SEZ6L2: variants seen among roughly 807,000 people sequenced by gnomAD.
SEZ6L2 encodes seizure 6-like protein 2.
In SEZ6L2, 44 loss-of-function variants were observed where a neutral mutation model predicts 97.0. The ratio of observed to expected loss-of-function variants is 0.45; its 90% CI spans 0.36 to 0.58. The LOEUF is 0.58. Ranked by LOEUF, SEZ6L2 falls within the 20% of genes least tolerant of loss-of-function variation. SEZ6L2 has a pLI of 0.00. For missense variants in SEZ6L2, 1,086 were observed against 1,233.3 expected, an observed-to-expected ratio of 0.88 and a Z score of 1.79; for synonymous variants, 543 against 546.1, an observed-to-expected ratio of 0.99 and a Z score of 0.08.
At chr16:29,874,845 A>G (rs1187731349) in intron 12 of SEZ6L2, among the ~76,000 whole-genome samples, 2 of 151,884 alleles carry the variant, frequency 1.3e-5, no homozygotes, top group African/African-American at 4.8e-5. Flanking sequence ...TGCTGGGATT[A>G]CAGGTGTGAG....
chr16:29,887,746 C>T lies in SEZ6L2; in HGVS notation c.1111G>A (p.Gly371Arg). 1.2e-6 allele frequency: 2 copies of T among 1,613,590 alleles called. No individual in the cohort carries two copies. Among genetic ancestry groups the T allele is most frequent in the Non-Finnish European group, 1.7e-6 (2 of 1,179,782 alleles). ...ACCCAACGGCAGGTGAGGTTGGGCC[C>T]TACGGCTCCCCCAGGCTCTGGGGAC... ...IVSPEPGGAV[G>R]PNLTCRWVIE... The change falls in exon 7 of 18, where the codon GGG becomes AGG. Residue 371 changes from glycine (G) to arginine (R), a missense_variant. Coordinates refer to ENST00000617533, the MANE Select transcript of SEZ6L2 (RefSeq NM_001243332.2).
intron 9 of SEZ6L2, among the ~76,000 whole-genome samples, chr16:29,878,763 CTT>C (rs529820559): frequency 5.5e-5 from 7 of 127,922 alleles, no homozygotes; most frequent in Admixed American, 8.1e-5. Context: ...TTTCTTTTTT[CTT>C]TTTTTTTTTT....
At position 29,873,569 on chromosome 16, in the gene SEZ6L2, G is replaced by C. The variant is rs772597678; in HGVS notation, c.2265C>G (p.Pro755=). 5 of 1,614,044 alleles carry C rather than the reference G, an allele frequency of 3.1e-6. No homozygotes were observed. In the African/African-American group the frequency reaches 5.3e-5, roughly 17 times the overall value. The part of the protein sequence containing the change: ...LTCYSRDTGT[P]KWSDRVPKCA... ...ATTTGGGGACCCTATCGCTCCACTT[G>C]GGTGTGCCTGTGTCCCGGCTGTAGC... Residue 755 remains proline, a synonymous_variant, in exon 13 of 18, where the codon CCC becomes CCG. Transcript: ENST00000617533. The surrounding 1 kb of genome is among the most constrained non-coding windows in gnomAD (Gnocchi z 4.3).
In SEZ6L2 at chr16:29,897,132, G is replaced by A; in HGVS notation, c.212-11C>T. 2 of 1,541,022 alleles carry A rather than the reference G, an allele frequency of 1.3e-6. No individual in the cohort carries two copies. Among genetic ancestry groups the A allele is most frequent in the Non-Finnish European group, 1.7e-6 (2 of 1,146,338 alleles). ...GGTCCCGATCAGATCCTGGGACAGT[G>A]CAGGGAATATCAGAGCACAGGAGGA... On this transcript the variant is annotated splice_polypyrimidine_tract_variant and intron_variant, in intron 2 of 17. Transcript: ENST00000617533.
chr16:29,872,241 G>A lies in SEZ6L2; in HGVS notation c.2688C>T (p.Ser896=). 3 of 1,612,844 alleles carry A rather than the reference G, an allele frequency of 1.9e-6. No individual in the cohort carries two copies. Among genetic ancestry groups the A allele is most frequent in the Non-Finnish European group, 2.5e-6 (3 of 1,179,474 alleles). The change falls in exon 17 of 18, where the codon TCC becomes TCT. Residue 896 remains serine (S), a synonymous_variant. Coordinates refer to ENST00000617533, the MANE Select transcript of SEZ6L2 (RefSeq NM_001243332.2). ...CCGACTCCACGGTGATGGGGCTGTAGGAGTGGGAGCCCGAGAAGCCGAAAA... is the reference window on the plus strand; with the variant it reads ...CCGACTCCACGGTGATGGGGCTGTAAGAGTGGGAGCCCGAGAAGCCGAAAA... ...KSLFGFSGSH[S]YSPITVESDF... is the part of the protein sequence containing the mutation.
intron 3 of SEZ6L2, among the ~76,000 whole-genome samples, chr16:29,896,161 G>A (rs187412124): frequency 6.6e-6 from 1 of 152,216 alleles, no homozygotes; most frequent in Admixed American, 6.5e-5. Context: ...ATGGGGTCTT[G>A]CCACATTTCC....
At position 29,899,105 on chromosome 16, in the gene SEZ6L2, TA is replaced by T; in HGVS notation, c.-87del. On this transcript the variant is annotated 5_prime_UTR_variant, in exon 1 of 18. Transcript: ENST00000617533. ...CTCCGTCTCCGTTTATCTTTCCCTT[TA>T]ATTGTTTTTTTTTTTTTTTTTTTTT... 2.3e-6 allele frequency: 2 copies of T among 853,772 alleles called. No individual in the cohort carries two copies. Among genetic ancestry groups the T allele is most frequent in the Non-Finnish European group, 3.6e-6 (2 of 560,586 alleles). The allele number at this position is 853,772 out of a possible 1,614,324, so 52.9% of individuals were successfully genotyped here. A position where few individuals can be genotyped will look rare whatever the true frequency, so the allele number is the denominator to read the frequency against.
rs774418155 is a variant in SEZ6L2, at chr16:29,895,269, G to A, written c.843C>T (p.Ile281=). 6.2e-6 allele frequency: 10 copies of A among 1,613,548 alleles called. No individual in the cohort carries two copies. The highest frequency in any genetic ancestry group is 8.5e-6 in the Non-Finnish European group (10 of 1,179,754). Residue 281 remains isoleucine (I), a synonymous_variant, in exon 5 of 18, where the codon ATC becomes ATT. Coordinates refer to ENST00000617533, the MANE Select transcript of SEZ6L2 (RefSeq NM_001243332.2). ...PRVPRGGGFR[I]HYQAYLLSCG... ...CCTCAAACTCCTCACCCTGATAGTGGATCCTGAAGCCACCGCCCCTTGGGA... is the reference window on the plus strand; with the variant it reads ...CCTCAAACTCCTCACCCTGATAGTGAATCCTGAAGCCACCGCCCCTTGGGA...
intron 3 of SEZ6L2, 42 bp downstream of exon 3, chr16:29,896,780 C>T: frequency 1.3e-6 from 2 of 1,581,966 alleles, no homozygotes; most frequent in East Asian, 2.2e-5. Flanking sequence ...CAGCGTGTAC[C>T]TCTCCGGTCC....
At chr16:29,898,423 T>TTCTCTCTCTCTC (rs112555002) in intron 1 of SEZ6L2, among the ~76,000 whole-genome samples, 2 of 146,810 alleles carry the variant, frequency 1.4e-5, no homozygotes, top group African/African-American at 5.1e-5. Context: ...TGGCTGTCTT[T>TTCTCTCTCTCTC]TCTCTCTCTC....
At chr16:29,886,998 A>G (rs556741263) in intron 7 of SEZ6L2, among the ~76,000 whole-genome samples, 3 of 152,048 alleles carry the variant, frequency 2.0e-5, no homozygotes, top group South Asian at 2.1e-4. Context: ...CCTGACCAAC[A>G]TGGAGAAACT....
Position 29,871,691 on chromosome 16 carries a change from C to G in SEZ6L2, c.*8G>C, listed in dbSNP as rs925689727. On this transcript the variant is annotated 3_prime_UTR_variant, in exon 18 of 18. Transcript: ENST00000617533. ...GCGTCCTGGGTCCTGCAGCTGTAGT[C>G]TTGGGGTTCAGATGGAAACTTCATA... 1 of 1,608,592 alleles carries G rather than the reference C, an allele frequency of 6.2e-7. No homozygotes were observed. The highest frequency in any genetic ancestry group is 8.5e-7 in the Non-Finnish European group (1 of 1,177,494).
chr16:29,896,875 G>A lies in SEZ6L2; in HGVS notation c.458C>T (p.Thr153Met), dbSNP rs557367798. 1.1e-5 allele frequency: 18 copies of A among 1,613,968 alleles called. No homozygotes were observed. The highest frequency in any genetic ancestry group is 2.2e-5 in the East Asian group (1 of 44,854). ...TGTCGTGGTGATGATGGTGGTCGTCGTCTCCTCCTCTCCTCCCTCAGGCCC... is the reference window on the plus strand; with the variant it reads ...TGTCGTGGTGATGATGGTGGTCGTCATCTCCTCCTCTCCTCCCTCAGGCCC... ...PLGPEGGEEETTTTIITTTTV... is the reference protein window; with the variant it reads ...PLGPEGGEEEMTTTIITTTTV... The change falls in exon 3 of 18, where the codon ACG becomes ATG. Residue 153 changes from threonine (T) to methionine (M), a missense_variant. This residue lies in a region of SEZ6L2 where 776 missense variants were observed against 794.7 expected (regional missense o/e 0.98). Coordinates refer to ENST00000617533, the MANE Select transcript of SEZ6L2 (RefSeq NM_001243332.2).
At chr16:29,879,753 G>T in intron 9 of SEZ6L2, 111 bp downstream of exon 9, 2 of 952,074 alleles carry the variant, frequency 2.1e-6, no homozygotes, top group Non-Finnish European at 3.1e-6. Context: ...CCCAAGGCTT[G>T]GGTGGATGAA....
intron 14 of SEZ6L2, 125 bp from the exon 15 acceptor site, chr16:29,872,868 A>G (rs1231060140): frequency 2.7e-6 from 2 of 752,636 alleles, no homozygotes; most frequent in Non-Finnish European, 4.3e-6. Context: ...CTCAACCTCA[A>G]CTTTCTCCCT....
rs751517252 is a variant in SEZ6L2, at chr16:29,879,875, G to A, written c.1562C>T (p.Pro521Leu). 2.5e-6 allele frequency: 4 copies of A among 1,600,918 alleles called. No individual in the cohort carries two copies. Among genetic ancestry groups the A allele is most frequent in the South Asian group, 1.1e-5 (1 of 90,438 alleles). Residue 521 changes from proline to leucine, a missense_variant, in exon 9 of 18, where the codon CCG (proline) becomes CTG (leucine). This residue lies in a region of SEZ6L2 where 776 missense variants were observed against 794.7 expected (regional missense o/e 0.98). Transcript: ENST00000617533. The part of the protein sequence containing the change: ...PTEPHWNDTE[P>L]ACKAMCGGEL... ...CAAGGAAGGCTCACCTTTGCAGGCC[G>A]GCTCTGTGTCGTTCCAGTGGGGTTC...
intron 8 of SEZ6L2, among the ~76,000 whole-genome samples, chr16:29,881,896 C>T (rs2068038517): frequency 6.8e-6 from 1 of 147,148 alleles, no homozygotes. Flanking sequence ...TCCCAAAGTG[C>T]TGGGATTATA....
chr16:29,877,392 C>T lies in SEZ6L2; in HGVS notation c.1788G>A (p.Leu596=), dbSNP rs1157620241. Residue 596 remains leucine, a synonymous_variant, in exon 11 of 18, where the codon CTG becomes CTA. Coordinates refer to ENST00000617533, the MANE Select transcript of SEZ6L2 (RefSeq NM_001243332.2). The stretch of plus-strand genomic sequence containing the variant: ...GGCGGCGGCGCGGCTGAGGTCCCCG[C>T]AGCTGGGCCAAGACTCGGGCGCTGG... ...DGPSARVLAQ[L]RGPQPRRRLL... is the part of the protein sequence containing the mutation. 2.5e-6 allele frequency: 4 copies of T among 1,613,168 alleles called. No homozygotes were observed. The highest frequency in any genetic ancestry group is 1.3e-5 in the African/African-American group (1 of 74,920).
Position 29,897,851 on chromosome 16 carries a change from A to T in SEZ6L2, c.211+2T>A, listed in dbSNP as rs746651057. The T allele has an allele frequency of 2.6e-5, 41 of 1,601,302 alleles. No homozygotes were observed. The highest frequency in any genetic ancestry group is 4.1e-5 in the African/African-American group (3 of 74,044). ...CCACTCCTGCCACTCTGGGGGCCTC[A>T]CCTGGCAGGTAGCCCATCTCTGGGC... On this transcript the variant is annotated splice_donor_variant, in intron 2 of 17. Transcript: ENST00000617533. LOFTEE classifies it high-confidence loss of function.
Sources: allele counts gnomAD v4.1 joint callset (sites outside exome capture counted in the v4.1 genomes callset), GRCh38; gene constraint gnomAD v4.1.1; regional missense constraint gnomAD v4.1.1; non-coding constraint Gnocchi (gnomAD v3.1); transcripts MANE v1.5; gene names NCBI Gene and HGNC (gene_info 2026-07-23, HGNC 2026-07-21).